ASB2: variants seen among roughly 807,000 people sequenced by gnomAD.
The protein encoded by ASB2 is ankyrin repeat and SOCS box protein 2.
ASB2 carries 58 observed loss-of-function variants against 62.4 expected under a neutral mutation model. The observed-to-expected ratio is 0.93, with a 90% CI of 0.75 to 1.16. The LOEUF (loss-of-function observed/expected upper bound fraction) is 1.16. Ranked by LOEUF, ASB2 falls within the 50% of genes most tolerant of loss-of-function variation. The pLI, the probability that ASB2 is intolerant of heterozygous loss-of-function variation, is 0.00. For missense variants in ASB2, 928 were observed against 887.9 expected, an observed-to-expected ratio of 1.05 and a Z score of -0.57; for synonymous variants, 386 against 385.3, an observed-to-expected ratio of 1.00 and a Z score of -0.02.
intron 1 of ASB2, chr14:93,968,321 T>C (rs1246754187): frequency 6.6e-6 from 1 of 152,228 alleles, no homozygotes; most frequent in Non-Finnish European, 1.5e-5. Flanking sequence ...TTTCACTGAA[T>C]TAACTTAATT....
Position 93,947,995 on chromosome 14 carries a change from G to GAAAAAAAA in ASB2, c.881-483_881-476dup, listed in dbSNP as rs55666799. The stretch of plus-strand genomic sequence containing the variant: ...GGCAACAAGAGTGAAACTCCGCCTG[G>GAAAAAAAA]AAAAAAAAAAAAAAAAAAAAAAAGA... On this transcript the variant is annotated intron_variant, in intron 6 of 9. Coordinates refer to ENST00000555019, the MANE Select transcript of ASB2 (RefSeq NM_001202429.2). Among the ~76,000 whole-genome samples the GAAAAAAAA allele has an allele frequency of 5.5e-5, 4 of 72,478 alleles. 1 individual carries two copies. The highest frequency in any genetic ancestry group is 7.1e-5 in the Non-Finnish European group (3 of 42,000). 47.5% of individuals were successfully genotyped at this position (72,478 alleles called of 152,430 possible).
rs1888927950 is a variant in ASB2 at position 93,950,889 on chromosome 14, A to G, written c.880+110T>C. 5.0e-6 allele frequency: 6 copies of G among 1,207,152 alleles called. No homozygotes were observed. The South Asian group carries it at 8.7e-5, about 18-fold the overall frequency. 74.8% of individuals were successfully genotyped at this position (1,207,152 alleles called of 1,614,324 possible). On this transcript the variant is annotated intron_variant, in intron 6 of 9. Coordinates refer to ENST00000555019, the MANE Select transcript of ASB2 (RefSeq NM_001202429.2). ...TCTAGGAGGAAACTCTCACTCCATC[A>G]GTGTGCGCACAAGATGACCCCTAAC...
chr14:93,953,654 T>G, intron 4 of ASB2, 147 bp from the exon 5 acceptor site: 2 of 665,254 alleles, frequency 3.0e-6, no homozygotes, highest in Non-Finnish European at 4.6e-6. Context: ...ATCTGGCCCT[T>G]TCACAGGGCC....
At position 93,964,342 on chromosome 14, in the gene ASB2, T is replaced by C. The variant is rs1461311821; in HGVS notation, c.198A>G (p.Pro66=). ...CTNRQPAHFY[P]WTRSTAPPES... is the part of the protein sequence containing the mutation. The stretch of plus-strand genomic sequence containing the variant: ...AGCCTCGCCTTGCTCACCTGGTCCA[T>C]GGGTAGAAATGGGCAGGTTGGCGGT... The change falls in exon 2 of 10, where the codon CCA becomes CCG. Residue 66 remains proline, a synonymous_variant. Transcript: ENST00000555019. 6.5e-7 allele frequency: 1 copy of C among 1,536,134 alleles called. No individual in the cohort carries two copies. Among genetic ancestry groups the C allele is most frequent in the African/African-American group, 1.4e-5 (1 of 73,158 alleles).
chr14:93,957,464 C>T lies in ASB2; in HGVS notation c.207-594G>A, dbSNP rs1022102890. The T allele has an allele frequency of 1.1e-4, 95 of 890,082 alleles. No individual in the cohort carries two copies. In the Middle Eastern group the frequency reaches 2.8e-3, roughly 27 times the overall value. 55.1% of individuals were successfully genotyped at this position (890,082 alleles called of 1,614,324 possible). A position where few individuals can be genotyped will look rare whatever the true frequency, so the allele number is the denominator to read the frequency against. ...GATGCATGAGGAAGGGCGTCGGAAC[C>T]AGGGCTGCAGTCAGACAGACACAGG... On this transcript the variant is annotated intron_variant, in intron 2 of 9. Transcript: ENST00000555019.
chr14:93,971,312 G>A (rs1333155208), intron 1 of ASB2, among the ~76,000 whole-genome samples: 2 of 151,402 alleles, frequency 1.3e-5, no homozygotes, highest in Non-Finnish European at 3.0e-5. Context: ...AGCCAGCTTG[G>A]GTGCAGGATG....
intron 2 of ASB2, chr14:93,957,366 T>A (rs1017619043): frequency 3.5e-5 from 36 of 1,022,290 alleles, no homozygotes; most frequent in Non-Finnish European, 4.1e-5. Flanking sequence ...CACGCCCACC[T>A]GCCAGCTCAT....
In ASB2 at chr14:93,947,505, G is replaced by A. The variant is rs555921924; in HGVS notation, c.896C>T (p.Thr299Met). The A allele has an allele frequency of 1.8e-4, 289 of 1,614,026 alleles. No individual in the cohort carries two copies. The highest frequency in any genetic ancestry group is 6.0e-4 in the East Asian group (27 of 44,884). Residue 299 changes from threonine to methionine, a missense_variant, in exon 7 of 10, where the codon ACG becomes ATG. Physicochemically the swap from Thr to Met is moderately conservative, Grantham distance 81. Transcript: ENST00000555019. ...FLAKYGADIN[T>M]QASDNASALY... The stretch of plus-strand genomic sequence containing the variant: ...GGCAGACGCGTTGTCGCTGGCCTGC[G>A]TGTTGATGTCAGCACCTGGGGAAGG...
At chr14:93,965,102 C>G (rs1428585352) in intron 1 of ASB2, among the ~76,000 whole-genome samples, 12 of 152,190 alleles carry the variant, frequency 7.9e-5, no homozygotes, top group Non-Finnish European at 1.8e-4. Flanking sequence ...ATCTGTCCAC[C>G]CAGCCATCCA....
At chr14:93,955,978 C>A (rs945593450) in intron 3 of ASB2, among the ~76,000 whole-genome samples, 1 of 152,204 alleles carries the variant, frequency 6.6e-6, no homozygotes, top group African/African-American at 2.4e-5. Context: ...ACACACCCAC[C>A]ACACCAAGGA....
In ASB2 at chr14:93,961,098, C is replaced by G. The variant is rs116142342; in HGVS notation, c.206+3236G>C. ...AGCTTGTCTGTGAAGCAGAGGCCATCATGAGATTGGTGCTGGAGCACTCAG... is the reference window on the plus strand; with the variant it reads ...AGCTTGTCTGTGAAGCAGAGGCCATGATGAGATTGGTGCTGGAGCACTCAG... On this transcript the variant is annotated intron_variant, in intron 2 of 9. Transcript: ENST00000555019. 5.2e-3 allele frequency among the ~76,000 whole-genome samples: 792 copies of G among 152,316 alleles called. 6 individuals carry two copies. The highest frequency in any genetic ancestry group is 0.018 in the African/African-American group (745 of 41,566).
intron 8 of ASB2, 140 bp downstream of exon 8, chr14:93,938,968 C>A (rs755856950): frequency 3.2e-5 from 24 of 757,866 alleles, no homozygotes; most frequent in Non-Finnish European, 4.6e-5. Flanking sequence ...GGCCCCACTT[C>A]CCCCGAAGGG....
chr14:93,951,153 C>G lies in ASB2; in HGVS notation c.726G>C (p.Leu242=). 1.2e-6 allele frequency: 2 copies of G among 1,614,158 alleles called. No homozygotes were observed. The highest frequency in any genetic ancestry group is 1.7e-6 in the Non-Finnish European group (2 of 1,180,036). The change falls in exon 6 of 10, where the codon CTG becomes CTC. Residue 242 remains leucine (L), a synonymous_variant. Coordinates refer to ENST00000555019, the MANE Select transcript of ASB2 (RefSeq NM_001202429.2). ...GGTCATTGCGAGACACAGACTCGTG[C>G]AGAGCGGTCCAGCCGCGGTTGCAGC... ...NHRCNRGWTA[L]HESVSRNDLE...
intron 6 of ASB2, among the ~76,000 whole-genome samples, chr14:93,949,600 T>C (rs899846425): frequency 1.3e-5 from 2 of 152,166 alleles, no homozygotes; most frequent in African/African-American, 4.8e-5. Flanking sequence ...TAACCCTCTG[T>C]TGGGCTCTCA....
At chr14:93,947,876 C>G (rs908498952) in intron 6 of ASB2, among the ~76,000 whole-genome samples, 3 of 151,670 alleles carry the variant, frequency 2.0e-5, no homozygotes, top group African/African-American at 2.4e-5. Context: ...CGCCAGTAAT[C>G]CCAGCTACTC....
chr14:93,951,170 G>A lies in ASB2; in HGVS notation c.709C>T (p.Arg237Cys). Reference protein sequence around the residue: ...HNADTNHRCNRGWTALHESVS... With the variant: ...HNADTNHRCNCGWTALHESVS... ...GACTCGTGCAGAGCGGTCCAGCCGC[G>A]GTTGCAGCGGTGGTTGGTGTCTGCA... Residue 237 changes from arginine to cysteine, a missense_variant, in exon 6 of 10, where the codon CGC (arginine) becomes TGC (cysteine). Arg to Cys is a radical substitution (Grantham distance 180, BLOSUM62 -3). Coordinates refer to ENST00000555019, the MANE Select transcript of ASB2 (RefSeq NM_001202429.2). 1.2e-6 allele frequency: 2 copies of A among 1,613,910 alleles called. No individual in the cohort carries two copies. The highest frequency in any genetic ancestry group is 1.7e-6 in the Non-Finnish European group (2 of 1,179,956).
At chr14:93,940,914 C>G (rs1888493774) in intron 7 of ASB2, among the ~76,000 whole-genome samples, 1 of 152,260 alleles carries the variant, frequency 6.6e-6, no homozygotes, top group South Asian at 2.1e-4. Context: ...TGAACCCAGG[C>G]AGTCTGACCC....
chr14:93,956,952 G>C (rs199867477), intron 2 of ASB2, 82 bp from the exon 3 acceptor site: 1 of 1,593,592 alleles, frequency 6.3e-7, no homozygotes, highest in African/African-American at 1.3e-5. Flanking sequence ...CAGGAATGAG[G>C]ATGGAGGGAG....
chr14:93,961,886 C>T (rs1889416984), intron 2 of ASB2, among the ~76,000 whole-genome samples: 1 of 152,146 alleles, frequency 6.6e-6, no homozygotes, highest in South Asian at 2.1e-4. Context: ...CAGAGGCCTT[C>T]ACAGCATCAG....
Sources: gnomAD v4.1 joint callset for allele counts (sites outside exome capture counted in the v4.1 genomes callset) on GRCh38, gnomAD v4.1.1 for gene constraint, MANE v1.5 for transcripts, NCBI Gene and HGNC (gene_info 2026-07-23, HGNC 2026-07-21) for gene names.